ITPR2: variants seen among roughly 807,000 people sequenced by gnomAD.
ITPR2 encodes the protein inositol 1,4,5-trisphosphate-gated calcium channel ITPR2.
Under a neutral mutation model 317.1 loss-of-function variants are expected in ITPR2, and 207 were observed. That is an observed-to-expected ratio of 0.65 (90% CI 0.58 to 0.73). The LOEUF (loss-of-function observed/expected upper bound fraction) is 0.73. Ranked by LOEUF, ITPR2 falls within the 30% of genes least tolerant of loss-of-function variation. The probability of loss-of-function intolerance (pLI) is 0.00; values close to 1 mark genes in which losing one functional copy is unlikely to be tolerated. For missense variants in ITPR2, 2,613 were observed against 3,284.0 expected (o/e 0.80, Z 4.99); for synonymous variants, 1,156 against 1,149.1 (o/e 1.01, Z -0.12).
intron 35 of ITPR2, among the ~76,000 whole-genome samples, chr12:26,558,337 A>C (rs1944719048): frequency 6.6e-6 from 1 of 152,200 alleles, no homozygotes; most frequent in African/African-American, 2.4e-5. Context: ...TCCCTAAGTC[A>C]TTGTTTCCCC....
intron 21 of ITPR2, chr12:26,649,397 T>C (rs1464606004): frequency 1.3e-5 from 2 of 152,216 alleles, no homozygotes; most frequent in African/African-American, 2.4e-5. Flanking sequence ...TATTCAAATA[T>C]AACCTGCAAT....
At chr12:26,653,285 G>A (rs577887176) in intron 21 of ITPR2, among the ~76,000 whole-genome samples, 19 of 128,252 alleles carry the variant, frequency 1.5e-4, no homozygotes, top group African/African-American at 4.6e-4. Context: ...TCACTCTGTC[G>A]TCAGGCTGGA....
At chr12:26,538,324 T>A (rs994103085) in intron 37 of ITPR2, among the ~76,000 whole-genome samples, 1 of 151,140 alleles carries the variant, frequency 6.6e-6, no homozygotes, top group Admixed American at 6.6e-5. Context: ...TAAGAATATA[T>A]CCCCCACAAA....
intron 1 of ITPR2, among the ~76,000 whole-genome samples, chr12:26,799,889 A>T (rs1287800485): frequency 6.6e-6 from 1 of 152,208 alleles, no homozygotes; most frequent in Non-Finnish European, 1.5e-5. Context: ...GACCTTAACT[A>T]CTACCAGTTC....
intron 38 of ITPR2, among the ~76,000 whole-genome samples, chr12:26,494,796 G>C (rs1458758511): frequency 5.1e-5 from 4 of 78,762 alleles, no homozygotes; most frequent in African/African-American, 7.3e-5. Flanking sequence ...AAAAAAAAAA[G>C]CTTGAGTTTA....
At position 26,690,503 on chromosome 12, in the gene ITPR2, A is replaced by G. The variant is rs572022211; in HGVS notation, c.997-3871T>C. On this transcript the variant is annotated intron_variant, in intron 10 of 56. Coordinates refer to ENST00000381340, the MANE Select transcript of ITPR2 (RefSeq NM_002223.4). ...GGAAAATGCACCAATTGAGCCAAAT[A>G]TTTAGGTCTATTTGGCAATTGAAAG... 5.3e-5 allele frequency among the ~76,000 whole-genome samples: 8 copies of G among 152,338 alleles called. No homozygotes were observed. The South Asian group carries it at 1.2e-3, about 24-fold the overall frequency.
intron 34 of ITPR2, among the ~76,000 whole-genome samples, chr12:26,574,407 C>G (rs1246970664): frequency 6.6e-6 from 1 of 152,134 alleles, no homozygotes; most frequent in African/African-American, 2.4e-5. Flanking sequence ...GTTTCTATGA[C>G]CAGCGTCCAA....
intron 48 of ITPR2, among the ~76,000 whole-genome samples, chr12:26,434,773 C>T (rs189985606): frequency 6.6e-6 from 1 of 152,288 alleles, no homozygotes; most frequent in African/African-American, 2.4e-5. Flanking sequence ...AGAATTGCTT[C>T]CATTTCTAAG....
intron 13 of ITPR2, among the ~76,000 whole-genome samples, chr12:26,675,753 T>C (rs1947893913): frequency 6.6e-6 from 1 of 152,192 alleles, no homozygotes; most frequent in South Asian, 2.1e-4. Context: ...AACAAGTCTA[T>C]TGACAGCAGA....
chr12:26,377,119 C>A (rs1939370699), intron 55 of ITPR2, among the ~76,000 whole-genome samples: 1 of 152,150 alleles, frequency 6.6e-6, no homozygotes, highest in African/African-American at 2.4e-5. Flanking sequence ...CAAATGTCCT[C>A]ACTGTTTTTC....
At chr12:26,492,016 G>A (rs903484039) in intron 39 of ITPR2, among the ~76,000 whole-genome samples, 2 of 152,166 alleles carry the variant, frequency 1.3e-5, no homozygotes, top group Non-Finnish European at 2.9e-5. Context: ...GTCAGGGTGG[G>A]GAACACACAG....
At chr12:26,687,149 G>T (rs75106445) in intron 10 of ITPR2, among the ~76,000 whole-genome samples, 29,541 of 151,710 alleles carry the variant, frequency 0.19, 3,634 homozygotes, top group East Asian at 0.55. Flanking sequence ...AATTGCATAA[G>T]AAATAAAATA....
In ITPR2 at chr12:26,673,496, C is replaced by T. The variant is rs1260015359; in HGVS notation, c.1410-7445G>A. On this transcript the variant is annotated intron_variant, in intron 13 of 56. Coordinates refer to ENST00000381340, the MANE Select transcript of ITPR2 (RefSeq NM_002223.4). Reference sequence around the variant, plus strand: ...AAGGCCTTTGACAAAATTCAACAACCCTTCATGCTAAAAACTCTCAATAAA... The same window carrying T: ...AAGGCCTTTGACAAAATTCAACAACTCTTCATGCTAAAAACTCTCAATAAA... 1.9e-3 allele frequency among the ~76,000 whole-genome samples: 283 copies of T among 151,574 alleles called. 1 individual carries two copies. Among genetic ancestry groups the T allele is most frequent in the Non-Finnish European group, 2.6e-3 (176 of 67,680 alleles).
intron 21 of ITPR2, among the ~76,000 whole-genome samples, chr12:26,637,185 T>C (rs1565656495): frequency 6.6e-6 from 1 of 152,194 alleles, no homozygotes; most frequent in African/African-American, 2.4e-5. Context: ...TCAGAAAGTA[T>C]TCATAAAGTA....
At chr12:26,705,065 T>A (rs193018121) in intron 9 of ITPR2, among the ~76,000 whole-genome samples, 76 of 152,318 alleles carry the variant, frequency 5.0e-4, no homozygotes, top group African/African-American at 1.8e-3. Flanking sequence ...TTCCCTTTAA[T>A]GCAAAAACAG....
At position 26,336,013 on chromosome 12, in the gene ITPR2, T is replaced by C. The variant is rs1408668003; in HGVS notation, c.*3384A>G. The C allele has an allele frequency of 1.3e-5, 2 of 152,260 alleles. No homozygotes were observed. Among genetic ancestry groups the C allele is most frequent in the Non-Finnish European group, 2.9e-5 (2 of 68,048 alleles). The allele number at this position is 152,260 out of a possible 1,614,324, so 9.4% of individuals were successfully genotyped here. ...TGCTCTTCCACACAGCTTTGTTCTC[T>C]GCATGGGTGAGGGGTATCTCTGGGG... On this transcript the variant is annotated 3_prime_UTR_variant, in exon 57 of 57. Transcript: ENST00000381340.
chr12:26,394,580 C>T (rs1246936947), intron 54 of ITPR2, among the ~76,000 whole-genome samples: 1 of 151,972 alleles, frequency 6.6e-6, no homozygotes, highest in Non-Finnish European at 1.5e-5. Context: ...GGGAGAACAA[C>T]AGGGGAGAAG....
chr12:26,721,660 AT>A (rs1245394106), intron 5 of ITPR2, among the ~76,000 whole-genome samples: 1 of 152,190 alleles, frequency 6.6e-6, no homozygotes, highest in African/African-American at 2.4e-5. Flanking sequence ...ACATGCAAAA[AT>A]ATCACACTCT....
intron 1 of ITPR2, among the ~76,000 whole-genome samples, chr12:26,793,130 C>T (rs1275195498): frequency 2.0e-5 from 3 of 152,164 alleles, no homozygotes; most frequent in African/African-American, 7.2e-5. Flanking sequence ...AAGCCAGGTT[C>T]TCCCACCCAC....
Sources: gnomAD v4.1 joint callset for allele counts (sites outside exome capture counted in the v4.1 genomes callset) on GRCh38, gnomAD v4.1.1 for gene constraint, MANE v1.5 for transcripts, NCBI Gene and HGNC (gene_info 2026-07-23, HGNC 2026-07-21) for gene names.